The following SEC23A variants were observed in gnomAD, a reference collection of about 807,000 sequenced individuals.
The protein encoded by SEC23A is protein transport protein Sec23A.
Under a neutral mutation model 103.7 loss-of-function variants are expected in SEC23A, and 56 were observed. The observed-to-expected ratio is 0.54, with a 90% CI of 0.44 to 0.67. The LOEUF is 0.67. SEC23A is among the 30% of genes least tolerant of loss of function. The probability of loss-of-function intolerance (pLI) is 0.00; values close to 1 mark genes in which losing one functional copy is unlikely to be tolerated. For missense variants in SEC23A, 784 were observed against 936.4 expected (o/e 0.84, Z 2.12); for synonymous variants, 281 against 293.0 (o/e 0.96, Z 0.42).
At chr14:39,075,376 A>G (rs1175554514) in intron 8 of SEC23A, among the ~76,000 whole-genome samples, 1 of 152,186 alleles carries the variant, frequency 6.6e-6, no homozygotes, top group East Asian at 1.9e-4. Flanking sequence ...TACATGATAC[A>G]GCACAAGCCA....
intron 14 of SEC23A, among the ~76,000 whole-genome samples, chr14:39,050,332 G>A (rs971009088): frequency 6.6e-6 from 1 of 152,192 alleles, no homozygotes; most frequent in African/African-American, 2.4e-5. Flanking sequence ...AATTATTTAT[G>A]CATAAAGGCA....
chr14:39,041,813 G>A (rs1277745252), intron 17 of SEC23A, among the ~76,000 whole-genome samples: 1 of 148,974 alleles, frequency 6.7e-6, no homozygotes, highest in African/African-American at 2.5e-5. Context: ...AGGCTGCAGT[G>A]AGCCAAGATA....
rs118109867 is a variant in SEC23A at position 39,063,976 on chromosome 14, G to T, written c.1309-563C>A. On this transcript the variant is annotated intron_variant, in intron 11 of 19. Coordinates refer to ENST00000307712, the MANE Select transcript of SEC23A (RefSeq NM_006364.4). ...GCGCCACTGCACTCCAACCTGCGAGGCAAAGCGAGACTCCGTCTCAAAAAA... is the reference window on the plus strand; with the variant it reads ...GCGCCACTGCACTCCAACCTGCGAGTCAAAGCGAGACTCCGTCTCAAAAAA... Among the ~76,000 whole-genome samples the T allele has an allele frequency of 7.5e-3, 997 of 132,922 alleles. 46 individuals are homozygous for T. The East Asian group carries it at 0.13, about 17-fold the overall frequency. The allele number at this position is 132,922 out of a possible 152,430, so 87.2% of individuals were successfully genotyped here.
chr14:39,074,451 C>A lies in SEC23A; in HGVS notation c.1067G>T (p.Gly356Val). The change falls in exon 9 of 20, where the codon GGT becomes GTT. Residue 356 changes from glycine to valine, a missense_variant. By Grantham distance (109) the Gly-to-Val change is moderately radical (BLOSUM62 -3). Coordinates refer to ENST00000307712, the MANE Select transcript of SEC23A (RefSeq NM_006364.4). Reference sequence around the variant, plus strand: ...GGGACAGCATTTCATCTCCAGGAGACCTGTCTGATCTAATGCACACGCATA... The same window carrying A: ...GGGACAGCATTTCATCTCCAGGAGAACTGTCTGATCTAATGCACACGCATA... ...DIYACALDQT[G>V]LLEMKCCPNL... The A allele has an allele frequency of 6.2e-7, 1 of 1,613,364 alleles. No individual in the cohort carries two copies. Among genetic ancestry groups the A allele is most frequent in the Non-Finnish European group, 8.5e-7 (1 of 1,179,502 alleles).
chr14:39,048,201 G>A lies in SEC23A; in HGVS notation c.1737+451C>T, dbSNP rs186336769. 2.6e-5 allele frequency among the ~76,000 whole-genome samples: 4 copies of A among 152,090 alleles called. No individual in the cohort carries two copies. The East Asian group carries it at 5.8e-4, about 22-fold the overall frequency. The stretch of plus-strand genomic sequence containing the variant: ...ATTATATACTTTTCACCAACTACTC[G>A]TAGCACAATATTAATTTCTTAGCTA... On this transcript the variant is annotated intron_variant, in intron 15 of 19. Transcript: ENST00000307712.
At chr14:39,064,807 T>A (rs951095249) in intron 11 of SEC23A, 106 bp downstream of exon 11, 36 of 836,160 alleles carry the variant, frequency 4.3e-5, no homozygotes, top group South Asian at 4.0e-4. Flanking sequence ...CTCTAACTCC[T>A]GGGCTTAAGC....
intron 19 of SEC23A, among the ~76,000 whole-genome samples, 174 bp downstream of exon 19, chr14:39,038,857 A>G (rs962880418): frequency 2.6e-5 from 4 of 152,220 alleles, no homozygotes; most frequent in Non-Finnish European, 4.4e-5. Context: ...TGATAGGATC[A>G]CTTTTGTCCT....
At chr14:39,055,017 G>T (rs1886192838) in intron 14 of SEC23A, 126 bp downstream of exon 14, 3 of 1,061,916 alleles carry the variant, frequency 2.8e-6, no homozygotes, top group Non-Finnish European at 4.2e-6. Context: ...TCAGTAATTT[G>T]AATAGGAGTT....
intron 7 of SEC23A, among the ~76,000 whole-genome samples, chr14:39,082,307 C>T (rs193002329): frequency 5.9e-5 from 9 of 151,460 alleles, no homozygotes; most frequent in African/African-American, 1.9e-4. Context: ...GAAAGCTCTT[C>T]CTCAAGTAGA....
At chr14:39,082,893 T>C (rs574967444) in intron 7 of SEC23A, among the ~76,000 whole-genome samples, 1 of 152,198 alleles carries the variant, frequency 6.6e-6, no homozygotes, top group Admixed American at 6.5e-5. Context: ...CAGGAAAGAT[T>C]GAGGAACTGT....
intron 19 of SEC23A, among the ~76,000 whole-genome samples, chr14:39,036,085 C>T (rs1036413294): frequency 6.6e-6 from 1 of 151,916 alleles, no homozygotes; most frequent in Non-Finnish European, 1.5e-5. Flanking sequence ...CTTTGGGAGG[C>T]AGAGGTGGGC....
intron 1 of SEC23A, among the ~76,000 whole-genome samples, chr14:39,098,020 C>G (rs1198167749): frequency 1.3e-5 from 2 of 151,350 alleles, no homozygotes; most frequent in Non-Finnish European, 2.9e-5. Context: ...ACTGGGGGGG[C>G]AGAGGTTGTG....
chr14:39,096,527 T>C (rs2139299687), intron 1 of SEC23A, among the ~76,000 whole-genome samples: 1 of 131,472 alleles, frequency 7.6e-6, no homozygotes, highest in South Asian at 2.4e-4. Context: ...CAAAACTCCA[T>C]CTCAAAAAAA....
chr14:39,072,971 G>A (rs1886888903), intron 9 of SEC23A, among the ~76,000 whole-genome samples: 1 of 152,128 alleles, frequency 6.6e-6, no homozygotes, highest in South Asian at 2.1e-4. Context: ...ACTATGTGAT[G>A]CAACAATTCT....
chr14:39,098,909 AT>A (rs1594491787), intron 1 of SEC23A, among the ~76,000 whole-genome samples: 3 of 151,852 alleles, frequency 2.0e-5, no homozygotes, highest in South Asian at 2.1e-4. Context: ...AAAAAAAAAA[AT>A]AAAATGCATC....
chr14:39,038,915 T>C (rs1885543145), intron 19 of SEC23A, 116 bp downstream of exon 19: 1 of 910,168 alleles, frequency 1.1e-6, no homozygotes, highest in African/African-American at 1.7e-5. Flanking sequence ...ATTTTTACAT[T>C]ACTTTTCCAA....
intron 7 of SEC23A, among the ~76,000 whole-genome samples, chr14:39,079,686 G>T (rs913646103): frequency 2.6e-5 from 4 of 152,082 alleles, no homozygotes; most frequent in African/African-American, 7.2e-5. Flanking sequence ...GCCAGGCGGG[G>T]TGGCGGGTAC....
Position 39,061,463 on chromosome 14 carries a change from T to C in SEC23A, c.1505+302A>G, listed in dbSNP as rs188800013. Among the ~76,000 whole-genome samples the C allele has an allele frequency of 3.9e-5, 6 of 152,144 alleles. No homozygotes were observed. In the East Asian group the frequency reaches 1.2e-3, roughly 29 times the overall value. On this transcript the variant is annotated intron_variant, in intron 13 of 19. Coordinates refer to ENST00000307712, the MANE Select transcript of SEC23A (RefSeq NM_006364.4). The stretch of plus-strand genomic sequence containing the variant: ...TATATCATTTATATATATAATGGAT[T>C]ATATATATTATTATTGACTATTATA...
intron 19 of SEC23A, 98 bp downstream of exon 19, chr14:39,038,933 C>T: frequency 9.6e-7 from 1 of 1,040,070 alleles, no homozygotes; most frequent in Non-Finnish European, 1.5e-6. Flanking sequence ...CAACAGAAAC[C>T]ATTACTAAAT....
Sources: gnomAD v4.1 joint callset for allele counts (sites outside exome capture counted in the v4.1 genomes callset) on GRCh38, gnomAD v4.1.1 for gene constraint, MANE v1.5 for transcripts, NCBI Gene and HGNC (gene_info 2026-07-23, HGNC 2026-07-21) for gene names.